Variants in ALKAL1 observed in about 807,000 individuals in gnomAD.
ALKAL1 encodes ALK and LTK ligand 1, also known as AUG-beta.
Under a neutral mutation model 13.5 loss-of-function variants are expected in ALKAL1, and 23 were observed. That is an observed-to-expected ratio of 1.70 (90% confidence interval 1.23 to 2.41). The LOEUF (loss-of-function observed/expected upper bound fraction) is 2.41. Ranked by LOEUF, ALKAL1 falls within the 30% of genes most tolerant of loss-of-function variation. The pLI is 0.00. For synonymous variants in ALKAL1, 85 were observed against 77.7 expected, an observed-to-expected ratio of 1.09 and a Z score of -0.49; for missense variants, 181 against 178.4, an observed-to-expected ratio of 1.01 and a Z score of -0.08.
At chr8:52,560,786 C>T (rs945785472) in intron 1 of ALKAL1, among the ~76,000 whole-genome samples, 2 of 152,116 alleles carry the variant, frequency 1.3e-5, no homozygotes, top group South Asian at 2.1e-4. Context: ...TATTTATGAT[C>T]CTGCTAGCTA....
At chr8:52,557,238 C>T (rs1044818295) in intron 1 of ALKAL1, among the ~76,000 whole-genome samples, 7 of 152,182 alleles carry the variant, frequency 4.6e-5, no homozygotes, top group African/African-American at 1.7e-4. Context: ...GAGTAAGAAG[C>T]CGCCTGCCTG....
chr8:52,562,406 G>A (rs1486818614), intron 1 of ALKAL1, among the ~76,000 whole-genome samples: 2 of 152,286 alleles, frequency 1.3e-5, no homozygotes, highest in South Asian at 2.1e-4. Context: ...GACCTCAGCT[G>A]TGTGTTAAAT....
chr8:52,547,950 G>A (rs1300981424), intron 1 of ALKAL1, among the ~76,000 whole-genome samples: 1 of 152,178 alleles, frequency 6.6e-6, no homozygotes. Flanking sequence ...TCAAAATTCA[G>A]GGTGTATTTT....
At chr8:52,538,940 G>A (rs191398433) in intron 3 of ALKAL1, among the ~76,000 whole-genome samples, 9 of 151,036 alleles carry the variant, frequency 6.0e-5, no homozygotes, top group Admixed American at 1.3e-4. Context: ...TTTAGAAGCC[G>A]GGTTGTAAGA....
Position 52,542,425 on chromosome 8 carries a change from T to C in ALKAL1, c.211A>G (p.Asn71Asp). 1 of 1,547,304 alleles carries C rather than the reference T, an allele frequency of 6.5e-7. No individual in the cohort carries two copies. The highest frequency in any genetic ancestry group is 1.2e-5 in the South Asian group (1 of 86,224). The stretch of plus-strand genomic sequence containing the variant: ...TGCTTTATGAATTTGTCTTTTAAGT[T>C]AGAGTCTCTTGGGAATATTTCTGAA... Reference protein sequence around the residue: ...RSAEIFPRDSNLKDKFIKHFT... With the variant: ...RSAEIFPRDSDLKDKFIKHFT... Residue 71 changes from asparagine (N) to aspartate (D), a missense_variant, in exon 2 of 5, where the codon AAC (asparagine) becomes GAC (aspartate). Physicochemically the swap from Asn to Asp is conservative, Grantham distance 23. Transcript: ENST00000358543.
chr8:52,546,587 C>T (rs1407812566), intron 1 of ALKAL1, among the ~76,000 whole-genome samples: 2 of 152,160 alleles, frequency 1.3e-5, no homozygotes, highest in African/African-American at 2.4e-5. Context: ...TTATTGCTTC[C>T]TTAAACCTTT....
At chr8:52,554,014 G>A (rs931147853) in intron 1 of ALKAL1, among the ~76,000 whole-genome samples, 3 of 152,074 alleles carry the variant, frequency 2.0e-5, no homozygotes, top group Non-Finnish European at 2.9e-5. Context: ...ACCTGTGGTC[G>A]GGAGTTCGAA....
chr8:52,550,282 G>A (rs938750226), intron 1 of ALKAL1, among the ~76,000 whole-genome samples: 4 of 152,130 alleles, frequency 2.6e-5, no homozygotes, highest in Admixed American at 6.5e-5. Flanking sequence ...TTTTTGCTAC[G>A]TTCTACAGAC....
intron 1 of ALKAL1, among the ~76,000 whole-genome samples, chr8:52,547,138 T>C (rs1847377607): frequency 6.6e-6 from 1 of 152,172 alleles, no homozygotes; most frequent in Admixed American, 6.5e-5. Context: ...TGAATTTGCA[T>C]TTAGTGACTA....
chr8:52,564,890 G>A (rs1847584494), intron 1 of ALKAL1, among the ~76,000 whole-genome samples, 177 bp downstream of exon 1: 1 of 152,200 alleles, frequency 6.6e-6, no homozygotes, highest in Admixed American at 6.5e-5. Flanking sequence ...ACTCTCAACC[G>A]TGGTAAATCT....
chr8:52,539,779 C>G, intron 3 of ALKAL1, 52 bp downstream of exon 3: 1 of 1,299,514 alleles, frequency 7.7e-7, no homozygotes, highest in Non-Finnish European at 1.1e-6. Flanking sequence ...TAAAATTAAA[C>G]GCATTTATTG....
At chr8:52,539,985 G>T in intron 2 of ALKAL1, 74 bp from the exon 3 acceptor site, 1 of 1,311,562 alleles carries the variant, frequency 7.6e-7, no homozygotes, top group Non-Finnish European at 1.1e-6. Context: ...CACTTTATGG[G>T]TGGATATAAT....
intron 1 of ALKAL1, among the ~76,000 whole-genome samples, chr8:52,545,552 C>T (rs1354437983): frequency 1.3e-5 from 2 of 151,774 alleles, no homozygotes; most frequent in African/African-American, 4.8e-5. Flanking sequence ...TTTCCCCTCC[C>T]CCATCCCCCT....
chr8:52,557,908 G>A (rs1316787367), intron 1 of ALKAL1, among the ~76,000 whole-genome samples: 1 of 150,360 alleles, frequency 6.7e-6, no homozygotes, highest in African/African-American at 2.5e-5. Context: ...CGAGGCTGCA[G>A]TGAGCTGAGA....
chr8:52,547,110 TAAAAA>T (rs1277280929), intron 1 of ALKAL1, among the ~76,000 whole-genome samples: 1 of 152,210 alleles, frequency 6.6e-6, no homozygotes, highest in East Asian at 1.9e-4. Flanking sequence ...AATTTTTCAA[TAAAAA>T]ACTGATTGAA....
intron 1 of ALKAL1, among the ~76,000 whole-genome samples, chr8:52,549,524 G>A (rs1400232748): frequency 1.3e-5 from 2 of 151,540 alleles, no homozygotes; most frequent in Non-Finnish European, 2.9e-5. Context: ...CTGTGTCTCT[G>A]TATCTTCCCA....
intron 1 of ALKAL1, among the ~76,000 whole-genome samples, chr8:52,552,442 G>C (rs1458818838): frequency 6.6e-6 from 1 of 152,200 alleles, no homozygotes; most frequent in Non-Finnish European, 1.5e-5. Flanking sequence ...TTCTCAGAAG[G>C]AGGTCACTAT....
rs1847584896 is a variant in ALKAL1 at position 52,564,964 on chromosome 8, C to T, written c.190+103G>A. ...CAGAGATGCTCTGTTTTCTGCTGTACTAATCTCAGGCTTCCCAAAGCGAGT... is the reference window on the plus strand; with the variant it reads ...CAGAGATGCTCTGTTTTCTGCTGTATTAATCTCAGGCTTCCCAAAGCGAGT... On this transcript the variant is annotated intron_variant, in intron 1 of 4. Transcript: ENST00000358543. 5 of 928,970 alleles carry T rather than the reference C, an allele frequency of 5.4e-6. No individual in the cohort carries two copies. In the South Asian group the frequency reaches 1.0e-4, roughly 19 times the overall value. 57.5% of individuals were successfully genotyped at this position (928,970 alleles called of 1,614,324 possible). A position where few individuals can be genotyped will look rare whatever the true frequency, so the allele number is the denominator to read the frequency against.
chr8:52,539,839 G>T lies in ALKAL1; in HGVS notation c.317C>A (p.Thr106Lys), dbSNP rs370015105. 7.5e-6 allele frequency: 12 copies of T among 1,609,158 alleles called. No individual in the cohort carries two copies. The highest frequency in any genetic ancestry group is 1.0e-5 in the Non-Finnish European group (12 of 1,177,494). ...CCACCCAAGTTACTTACAAGCTGGC[G>T]TTGAGCACTCCCTGGTATTGTAATA... is the stretch of plus-strand genomic sequence containing the variant. ...RLYYNTRECS[T>K]PAYYKRCARL... is the part of the protein sequence containing the mutation. The change falls in exon 3 of 5, where the codon ACG becomes AAG. Residue 106 changes from threonine to lysine, a missense_variant. Thr to Lys is a moderately conservative substitution (Grantham distance 78, BLOSUM62 -1). Transcript: ENST00000358543.
Sources: gnomAD v4.1 joint callset for allele counts (sites outside exome capture counted in the v4.1 genomes callset) on GRCh38, gnomAD v4.1.1 for gene constraint, MANE v1.5 for transcripts, NCBI Gene and HGNC (gene_info 2026-07-23, HGNC 2026-07-21) for gene names.